Variants in WDFY4 observed in about 807,000 individuals in gnomAD.
WDFY4 encodes the protein WD repeat- and FYVE domain-containing protein 4.
In WDFY4, 169 loss-of-function variants were observed where a neutral mutation model predicts 351.9. That is an observed-to-expected ratio of 0.48 (90% CI 0.42 to 0.55). WDFY4 has a LOEUF of 0.55. WDFY4 is among the 20% of genes least tolerant of loss of function. The pLI is 0.00. For missense variants in WDFY4, 3,803 were observed against 3,935.6 expected (o/e 0.97, Z 0.90); for synonymous variants, 1,622 against 1,574.6 (o/e 1.03, Z -0.71).
At chr10:48,750,751 C>G (rs913538665) in intron 12 of WDFY4, among the ~76,000 whole-genome samples, 3 of 152,254 alleles carry the variant, frequency 2.0e-5, no homozygotes, top group African/African-American at 7.2e-5. Context: ...TAAGTCGTCT[C>G]TTCCCCATCT....
intron 37 of WDFY4, 36 bp downstream of exon 37, chr10:48,828,932 G>GGT (rs1179170165): frequency 1.0e-5 from 3 of 290,952 alleles, no homozygotes; most frequent in African/African-American, 7.5e-5. Flanking sequence ...GTGGGCGGGG[G>GGT]GGGGGCGGGG....
At chr10:48,947,897 G>A (rs1386190780) in intron 51 of WDFY4, among the ~76,000 whole-genome samples, 1 of 152,186 alleles carries the variant, frequency 6.6e-6, no homozygotes, top group Admixed American at 6.5e-5. Context: ...GAGCTGGGAT[G>A]GGCAACAGGC....
chr10:48,754,617 A>T (rs1229917680), intron 12 of WDFY4, among the ~76,000 whole-genome samples: 2 of 151,664 alleles, frequency 1.3e-5, no homozygotes, highest in Non-Finnish European at 2.9e-5. Context: ...ATAATTATTA[A>T]TTTTAATTTA....
chr10:48,935,163 C>A (rs549659288), intron 47 of WDFY4: 1 of 152,350 alleles, frequency 6.6e-6, no homozygotes, highest in East Asian at 1.9e-4. Flanking sequence ...GGCCGCCGCC[C>A]GAGCAAAACT....
At chr10:48,796,910 T>A (rs1023622228) in intron 24 of WDFY4, among the ~76,000 whole-genome samples, 2 of 152,148 alleles carry the variant, frequency 1.3e-5, no homozygotes, top group Admixed American at 1.3e-4. Context: ...CGCACACAAC[T>A]GCTGTGGGTG....
In WDFY4 at chr10:48,887,766, G is replaced by A. The variant is rs974402299; in HGVS notation, c.7168-2813G>A. 5.5e-5 allele frequency among the ~76,000 whole-genome samples: 7 copies of A among 127,018 alleles called. No homozygotes were observed. In the East Asian group the frequency reaches 7.0e-4, roughly 13 times the overall value. The allele number at this position is 127,018 out of a possible 152,430, so 83.3% of individuals were successfully genotyped here. A position where few individuals can be genotyped will look rare whatever the true frequency, so the allele number is the denominator to read the frequency against. On this transcript the variant is annotated intron_variant, in intron 43 of 61. Transcript: ENST00000325239. The stretch of plus-strand genomic sequence containing the variant: ...TGCACTCCAGCCTGGGCAACAGAGC[G>A]AGACTCCATCTCAAAAAAAAAAAAA...
chr10:48,956,391 C>G (rs1215823375), intron 51 of WDFY4, among the ~76,000 whole-genome samples: 1 of 152,160 alleles, frequency 6.6e-6, no homozygotes, highest in African/African-American at 2.4e-5. Flanking sequence ...CTTATCGAAG[C>G]CAAGACCCCT....
At chr10:48,685,948 G>A (rs544745668) in intron 1 of WDFY4, among the ~76,000 whole-genome samples, 3 of 152,212 alleles carry the variant, frequency 2.0e-5, no homozygotes, top group Admixed American at 2.0e-4. Flanking sequence ...CTAGTCTTCT[G>A]AGAGGGGACC....
intron 11 of WDFY4, among the ~76,000 whole-genome samples, chr10:48,736,996 C>A (rs1390963228): frequency 1.3e-5 from 2 of 152,214 alleles, no homozygotes; most frequent in Non-Finnish European, 2.9e-5. Flanking sequence ...ATACATATAA[C>A]AAATATCATT....
chr10:48,967,452 G>A (rs1842133853), intron 55 of WDFY4: 1 of 152,242 alleles, frequency 6.6e-6, no homozygotes. Flanking sequence ...CAGGGACCAG[G>A]GGCTCCTCAA....
chr10:48,844,219 T>A (rs561481107), intron 39 of WDFY4, among the ~76,000 whole-genome samples: 4 of 152,218 alleles, frequency 2.6e-5, no homozygotes, highest in Admixed American at 6.5e-5. Flanking sequence ...TGGGGGTTGA[T>A]GTAAACTTGG....
chr10:48,899,428 G>A (rs1837245833), intron 45 of WDFY4, among the ~76,000 whole-genome samples: 1 of 152,126 alleles, frequency 6.6e-6, no homozygotes, highest in African/African-American at 2.4e-5. Flanking sequence ...GGTAGATGCA[G>A]GACAGGACTC....
At chr10:48,819,171 A>G (rs12269697) in intron 32 of WDFY4, among the ~76,000 whole-genome samples, 20,018 of 152,210 alleles carry the variant, frequency 0.13, 1,442 homozygotes, top group Middle Eastern at 0.2. Flanking sequence ...TCCCCAGCTG[A>G]TCGCGGGCGA....
At chr10:48,829,972 A>G (rs1284726604) in intron 37 of WDFY4, among the ~76,000 whole-genome samples, 1 of 152,200 alleles carries the variant, frequency 6.6e-6, no homozygotes, top group East Asian at 1.9e-4. Flanking sequence ...AGAGGTACAT[A>G]CTTTGGGACT....
At chr10:48,848,025 G>A (rs1000329018) in intron 39 of WDFY4, among the ~76,000 whole-genome samples, 2 of 152,098 alleles carry the variant, frequency 1.3e-5, no homozygotes, top group African/African-American at 4.8e-5. Context: ...GGATCCAGGG[G>A]CTGCATCTCC....
At chr10:48,803,106 C>A (rs947038968) in intron 24 of WDFY4, among the ~76,000 whole-genome samples, 180 bp from the exon 25 acceptor site, 1 of 152,168 alleles carries the variant, frequency 6.6e-6, no homozygotes, top group South Asian at 2.1e-4. Context: ...GGCCTTCCTA[C>A]AGGGGAGGCA....
At chr10:48,793,052 A>T (rs1008533432) in intron 23 of WDFY4, among the ~76,000 whole-genome samples, 1 of 152,214 alleles carries the variant, frequency 6.6e-6, no homozygotes, top group Non-Finnish European at 1.5e-5. Flanking sequence ...GACTGAGCTG[A>T]CTGAGCTTTC....
chr10:48,938,314 A>G (rs1399855500), intron 47 of WDFY4, among the ~76,000 whole-genome samples: 1 of 152,256 alleles, frequency 6.6e-6, no homozygotes, highest in Non-Finnish European at 1.5e-5. Context: ...TTAGGGCTAC[A>G]CCTAGCCTCC....
At chr10:48,719,959 T>A (rs538237702) in intron 2 of WDFY4, 52 bp from the exon 3 acceptor site, 2 of 1,498,556 alleles carry the variant, frequency 1.3e-6, no homozygotes, top group African/African-American at 1.4e-5. Flanking sequence ...GCAGTGCTCA[T>A]GCCCTGCTTG....
Sources: allele counts gnomAD v4.1 joint callset (sites outside exome capture counted in the v4.1 genomes callset), GRCh38; gene constraint gnomAD v4.1.1; transcripts MANE v1.5; gene names NCBI Gene and HGNC (gene_info 2026-07-23, HGNC 2026-07-21).